The following MBNL1 variants were observed in gnomAD, a reference collection of about 807,000 sequenced individuals.
MBNL1 encodes muscleblind like splicing regulator 1.
A neutral mutation model predicts 42.2 loss-of-function variants in MBNL1; 8 were observed. The observed-to-expected ratio is 0.19, with a 90% confidence interval of 0.11 to 0.34. The LOEUF (loss-of-function observed/expected upper bound fraction) is 0.34, where lower values mean the gene tolerates loss of function less well. Ranked by LOEUF, MBNL1 falls within the 10% of genes least tolerant of loss-of-function variation. MBNL1 has a pLI of 1.00. For synonymous variants in MBNL1, 169 were observed against 173.9 expected (o/e 0.97, Z 0.22); for missense variants, 309 against 495.3 (o/e 0.62, Z 3.57).
chr3:152,289,583 T>C (rs2054640322), intron 1 of MBNL1, among the ~76,000 whole-genome samples: 5 of 152,040 alleles, frequency 3.3e-5, no homozygotes, highest in Admixed American at 3.3e-4. Context: ...GAATTTGTTA[T>C]TTTTTTGAAA....
intron 2 of MBNL1, among the ~76,000 whole-genome samples, chr3:152,248,504 G>A (rs1576767313): frequency 6.6e-6 from 1 of 151,342 alleles, no homozygotes; most frequent in Admixed American, 6.6e-5. Context: ...ATTTTTCTAT[G>A]GTCATAATTT....
chr3:152,331,983 C>T (rs1182707403), intron 2 of MBNL1, among the ~76,000 whole-genome samples: 3 of 152,160 alleles, frequency 2.0e-5, no homozygotes, highest in Non-Finnish European at 4.4e-5. Flanking sequence ...TGAGCCACCG[C>T]TCCCGGCCTT....
rs1740509598 is a variant in MBNL1 at position 152,459,435 on chromosome 3, C to T, written c.*18+90C>T. 6 of 525,430 alleles carry T rather than the reference C, an allele frequency of 1.1e-5. No individual in the cohort carries two copies. The East Asian group carries it at 2.1e-4, about 18-fold the overall frequency. The allele number at this position is 525,430 out of a possible 1,614,324, so 32.5% of individuals were successfully genotyped here. ...TAGTGCACTTAAAATTTTGCGAAAT[C>T]TCTGAGAAAATATATACAGATCACA... On this transcript the variant is annotated intron_variant, in intron 9 of 9. Transcript: ENST00000324210.
At chr3:152,442,684 A>C (rs1198807872) in intron 4 of MBNL1, among the ~76,000 whole-genome samples, 2 of 152,232 alleles carry the variant, frequency 1.3e-5, no homozygotes, top group Non-Finnish European at 2.9e-5. Context: ...GATCAAACTC[A>C]TATTGAGCAA....
chr3:152,402,048 A>C (rs2098248169), intron 2 of MBNL1, among the ~76,000 whole-genome samples: 1 of 147,636 alleles, frequency 6.8e-6, no homozygotes, highest in Non-Finnish European at 1.5e-5. Context: ...AAAAAAAAAA[A>C]GATTTACTAG....
rs116688660 is a variant in MBNL1 at position 152,335,941 on chromosome 3, A to G, written c.174+35574A>G. Among the ~76,000 whole-genome samples, 901 of 152,122 alleles carry G rather than the reference A, an allele frequency of 5.9e-3. 9 individuals carry two copies. The highest frequency in any genetic ancestry group is 0.021 in the African/African-American group (861 of 41,502). The stretch of plus-strand genomic sequence containing the variant: ...TTCATTTGACCAACCCCCTCTCCTC[A>G]ACTCTTCTTTTTTCATGAAGAGTGC... On this transcript the variant is annotated intron_variant, in intron 2 of 9. Coordinates refer to ENST00000324210, the MANE Select transcript of MBNL1 (RefSeq NM_021038.5).
intron 2 of MBNL1, among the ~76,000 whole-genome samples, chr3:152,405,495 A>G (rs2098405523): frequency 6.6e-6 from 1 of 152,178 alleles, no homozygotes; most frequent in African/African-American, 2.4e-5. Context: ...TTTGGTTTTT[A>G]GTCAGTACTT....
chr3:152,315,581 A>C (rs912611340), intron 2 of MBNL1, among the ~76,000 whole-genome samples: 1 of 152,048 alleles, frequency 6.6e-6, no homozygotes, highest in African/African-American at 2.4e-5. Context: ...AGCCAGTATT[A>C]TTTTCTTTGA....
chr3:152,458,920 C>T (rs77449638), intron 8 of MBNL1: 1 of 173,504 alleles, frequency 5.8e-6, no homozygotes. Context: ...TATCTGATTT[C>T]TGGATGATTA....
intron 2 of MBNL1, among the ~76,000 whole-genome samples, chr3:152,390,847 G>GAGC (rs1474265392): frequency 6.6e-6 from 1 of 152,202 alleles, no homozygotes; most frequent in African/African-American, 2.4e-5. Context: ...CAGAGTAGCA[G>GAGC]AGCAGGAGCA....
chr3:152,360,271 G>T (rs563925909), intron 2 of MBNL1, among the ~76,000 whole-genome samples: 8 of 152,040 alleles, frequency 5.3e-5, no homozygotes, highest in Non-Finnish European at 1.0e-4. Context: ...CAGCTTCCTT[G>T]TTAAACCAAT....
At chr3:152,361,402 T>G (rs2095934916) in intron 2 of MBNL1, among the ~76,000 whole-genome samples, 2 of 150,102 alleles carry the variant, frequency 1.3e-5, no homozygotes, top group African/African-American at 4.9e-5. Flanking sequence ...GAAGGATAAG[T>G]AGAAGGAATA....
intron 2 of MBNL1, among the ~76,000 whole-genome samples, chr3:152,376,043 A>C (rs1262381620): frequency 6.6e-6 from 1 of 152,048 alleles, no homozygotes; most frequent in Non-Finnish European, 1.5e-5. Context: ...TCCTGGATAA[A>C]TTTCTCCATT....
intron 4 of MBNL1, among the ~76,000 whole-genome samples, chr3:152,438,791 G>T (rs1404336741): frequency 2.0e-5 from 3 of 152,144 alleles, no homozygotes; most frequent in Non-Finnish European, 4.4e-5. Context: ...AAATGATATG[G>T]TTTTTTGTGA....
intron 2 of MBNL1, among the ~76,000 whole-genome samples, chr3:152,373,314 T>C (rs1343089036): frequency 7.3e-6 from 1 of 136,488 alleles, no homozygotes; most frequent in African/African-American, 2.8e-5. Flanking sequence ...GTTCTGTCGC[T>C]GGCCTTCCAG....
intron 4 of MBNL1, among the ~76,000 whole-genome samples, chr3:152,437,423 A>C (rs1226359461): frequency 6.6e-6 from 1 of 152,252 alleles, no homozygotes; most frequent in Non-Finnish European, 1.5e-5. Flanking sequence ...TTCAAGAATT[A>C]CTGCATGTGA....
rs190168237 is a variant in MBNL1 at position 152,300,614 on chromosome 3, A to G, written c.174+247A>G. On this transcript the variant is annotated intron_variant, in intron 2 of 9. Transcript: ENST00000324210. Reference sequence around the variant, plus strand: ...TTTTGCTAGGGCAGAAAGTGTTGACATATTTTTCACTTAGTAATGGCAAAG... The same window carrying G: ...TTTTGCTAGGGCAGAAAGTGTTGACGTATTTTTCACTTAGTAATGGCAAAG... 2.3e-3 allele frequency among the ~76,000 whole-genome samples: 353 copies of G among 152,250 alleles called. 1 individual carries two copies. The highest frequency in any genetic ancestry group is 7.2e-3 in the African/African-American group (298 of 41,544).
chr3:152,458,103 T>G lies in MBNL1; in HGVS notation c.1093-1168T>G. ...GGCCCTTCATCTGCATCGATTGGTG[T>G]TGAAGGTCCTTGGTATGTTTCGACA... is the stretch of plus-strand genomic sequence containing the variant. On this transcript the variant is annotated intron_variant, in intron 8 of 9. Coordinates refer to ENST00000324210, the MANE Select transcript of MBNL1 (RefSeq NM_021038.5). The G allele has an allele frequency of 3.1e-6, 5 of 1,604,540 alleles. No homozygotes were observed. In the African/African-American group the frequency reaches 4.0e-5, roughly 13 times the overall value.
intron 2 of MBNL1, among the ~76,000 whole-genome samples, chr3:152,344,755 C>T (rs999862216): frequency 2.6e-5 from 4 of 152,094 alleles, no homozygotes; most frequent in African/African-American, 7.2e-5. Context: ...ATCACTTACA[C>T]GTGTACCTTA....
Sources: allele counts gnomAD v4.1 joint callset (sites outside exome capture counted in the v4.1 genomes callset), GRCh38; gene constraint gnomAD v4.1.1; transcripts MANE v1.5; gene names NCBI Gene and HGNC (gene_info 2026-07-23, HGNC 2026-07-21).